Variants in SCFD2 observed in about 807,000 individuals in gnomAD.
The protein encoded by SCFD2 is sec1 family domain containing 2.
Under a neutral mutation model 58.9 loss-of-function variants are expected in SCFD2, and 54 were observed. That is an observed-to-expected ratio of 0.92 (90% CI 0.74 to 1.15). The LOEUF is 1.15. Among genes scored for constraint, SCFD2 ranks in the 50% most tolerant of loss-of-function variants. The pLI is 0.00. For synonymous variants in SCFD2, 321 were observed against 335.9 expected (o/e 0.96, Z 0.49); for missense variants, 805 against 836.6 (o/e 0.96, Z 0.47).
chr4:52,951,284 T>G (rs1432631326), intron 5 of SCFD2, among the ~76,000 whole-genome samples: 1 of 152,152 alleles, frequency 6.6e-6, no homozygotes, highest in African/African-American at 2.4e-5. Flanking sequence ...GCCCTCAAGA[T>G]TTAGAAGTTT....
intron 5 of SCFD2, among the ~76,000 whole-genome samples, chr4:53,106,831 AC>A (rs929069916): frequency 2.0e-4 from 31 of 152,346 alleles, no homozygotes; most frequent in African/African-American, 5.3e-4. Context: ...AACTTCCCCA[AC>A]CTAGCAAGAC....
chr4:53,030,558 G>A (rs1244188342), intron 5 of SCFD2, among the ~76,000 whole-genome samples: 1 of 151,988 alleles, frequency 6.6e-6, no homozygotes, highest in Admixed American at 6.6e-5. Context: ...GGGTACCTGC[G>A]ACTACAGACG....
Position 53,097,189 on chromosome 4 carries a change from G to T in SCFD2, c.1561+48144C>A, listed in dbSNP as rs188796501. Among the ~76,000 whole-genome samples the T allele has an allele frequency of 8.1e-4, 124 of 152,304 alleles. 1 individual carries two copies. Among genetic ancestry groups the T allele is most frequent in the African/African-American group, 2.7e-3 (113 of 41,558 alleles). ...GTTCTTTTGGCTTAGGATTGTCTTG[G>T]CAATGGGGGCTCTCTTTTGGTTCCA... On this transcript the variant is annotated intron_variant, in intron 5 of 8. Transcript: ENST00000401642.
chr4:53,122,975 T>C (rs1368443050), intron 5 of SCFD2, among the ~76,000 whole-genome samples: 4 of 152,174 alleles, frequency 2.6e-5, no homozygotes, highest in Admixed American at 2.6e-4. Flanking sequence ...AAATTAGGGC[T>C]TATTTCTGAA....
intron 5 of SCFD2, among the ~76,000 whole-genome samples, chr4:53,083,801 AAGGGG>A (rs1404039058): frequency 6.6e-6 from 1 of 152,154 alleles, no homozygotes; most frequent in Non-Finnish European, 1.5e-5. Flanking sequence ...AGGGTTTCAA[AAGGGG>A]AGGGGGCGTA....
chr4:53,139,237 C>T (rs1487221054), intron 5 of SCFD2, among the ~76,000 whole-genome samples: 2 of 152,172 alleles, frequency 1.3e-5, no homozygotes, highest in African/African-American at 2.4e-5. Flanking sequence ...ACCTCCCAGC[C>T]GCCTGCCTTG....
rs116259180 is a variant in SCFD2 at position 52,959,630 on chromosome 4, G to T, written c.1562-38760C>A. 1.0e-3 allele frequency among the ~76,000 whole-genome samples: 152 copies of T among 152,088 alleles called. 1 individual carries two copies. The highest frequency in any genetic ancestry group is 3.5e-3 in the African/African-American group (145 of 41,478). On this transcript the variant is annotated intron_variant, in intron 5 of 8. Coordinates refer to ENST00000401642, the MANE Select transcript of SCFD2 (RefSeq NM_152540.4). ...CATCTTCTTTAGATCAACTTTATAT[G>T]ACACAAGCTCTTGCTTCGTATACGA...
intron 4 of SCFD2, among the ~76,000 whole-genome samples, chr4:53,173,023 T>C (rs1337590773): frequency 6.6e-6 from 1 of 152,168 alleles, no homozygotes; most frequent in Non-Finnish European, 1.5e-5. Flanking sequence ...TATATTTAGG[T>C]GCTTCAATGT....
At chr4:53,064,477 T>C (rs577419871) in intron 5 of SCFD2, among the ~76,000 whole-genome samples, 1 of 152,284 alleles carries the variant, frequency 6.6e-6, no homozygotes, top group South Asian at 2.1e-4. Context: ...GAAGACACGA[T>C]AGAGCCCATT....
chr4:52,926,401 C>T (rs1413476999), intron 5 of SCFD2, among the ~76,000 whole-genome samples: 1 of 152,072 alleles, frequency 6.6e-6, no homozygotes. Context: ...GACACACACA[C>T]GCACGCGTGC....
intron 4 of SCFD2, among the ~76,000 whole-genome samples, chr4:53,168,944 T>C (rs533469563): frequency 6.6e-6 from 1 of 152,360 alleles, no homozygotes; most frequent in South Asian, 2.1e-4. Context: ...ACTCTCTGCT[T>C]TTATGAGTTC....
At chr4:53,100,183 A>C (rs1724792895) in intron 5 of SCFD2, among the ~76,000 whole-genome samples, 1 of 152,174 alleles carries the variant, frequency 6.6e-6, no homozygotes, top group Non-Finnish European at 1.5e-5. Context: ...TCAGGAATTA[A>C]ATTGCCAACA....
At chr4:53,237,751 G>A (rs1165491558) in intron 4 of SCFD2, among the ~76,000 whole-genome samples, 6 of 105,848 alleles carry the variant, frequency 5.7e-5, no homozygotes, top group Non-Finnish European at 1.2e-4. Flanking sequence ...CCCGGACGGG[G>A]CGGCTGGCCG....
At chr4:53,251,292 T>G (rs915713469) in intron 4 of SCFD2, among the ~76,000 whole-genome samples, 8 of 152,092 alleles carry the variant, frequency 5.3e-5, no homozygotes, top group African/African-American at 1.7e-4. Context: ...ACAGCCGAAT[T>G]CTACCAGAGG....
At chr4:53,303,879 A>C (rs1194680730) in intron 3 of SCFD2, among the ~76,000 whole-genome samples, 2 of 147,626 alleles carry the variant, frequency 1.4e-5, no homozygotes, top group Admixed American at 6.9e-5. Flanking sequence ...GCATGTTCTC[A>C]CTCATAGGTG....
At chr4:53,176,954 AAAAAAAAAAAGAAAG>A (rs927278931) in intron 4 of SCFD2, among the ~76,000 whole-genome samples, 1 of 151,894 alleles carries the variant, frequency 6.6e-6, no homozygotes, top group Non-Finnish European at 1.5e-5. Context: ...TCTCAAAAAA[AAAAAAAAAAAGAAAG>A]AAAAAAAAGA....
chr4:53,257,919 CA>C (rs1271938967), intron 4 of SCFD2, among the ~76,000 whole-genome samples: 5 of 151,508 alleles, frequency 3.3e-5, no homozygotes, highest in African/African-American at 1.2e-4. Flanking sequence ...AGATACAAAA[CA>C]GGATCAATAA....
chr4:53,010,641 G>A (rs569085525), intron 5 of SCFD2, among the ~76,000 whole-genome samples: 3 of 152,276 alleles, frequency 2.0e-5, no homozygotes, highest in Non-Finnish European at 2.9e-5. Context: ...TTTCTGAAAC[G>A]AATAAATCAT....
intron 4 of SCFD2, among the ~76,000 whole-genome samples, chr4:53,208,673 C>T (rs1728512851): frequency 6.6e-6 from 1 of 152,144 alleles, no homozygotes; most frequent in Non-Finnish European, 1.5e-5. Context: ...CCATATACAC[C>T]TCTCATAATT....
Sources: gnomAD v4.1 joint callset for allele counts (sites outside exome capture counted in the v4.1 genomes callset) on GRCh38, gnomAD v4.1.1 for gene constraint, MANE v1.5 for transcripts, NCBI Gene and HGNC (gene_info 2026-07-23, HGNC 2026-07-21) for gene names.